TPD52: variants seen among roughly 807,000 people sequenced by gnomAD.
The protein encoded by TPD52 is prostate and colon associated protein.
Under a neutral mutation model 31.3 loss-of-function variants are expected in TPD52, and 17 were observed. The observed-to-expected ratio is 0.54, with a 90% CI of 0.37 to 0.82. The LOEUF (loss-of-function observed/expected upper bound fraction) is 0.82, where lower values mean the gene tolerates loss of function less well. Ranked by LOEUF, TPD52 falls within the 40% of genes least tolerant of loss-of-function variation. TPD52 has a pLI of 0.00. For missense variants in TPD52, 212 were observed against 240.1 expected (o/e 0.88, Z 0.77); for synonymous variants, 83 against 89.6 (o/e 0.93, Z 0.42).
intron 1 of TPD52, among the ~76,000 whole-genome samples, chr8:80,101,511 T>C (rs1806740341): frequency 6.7e-6 from 1 of 150,158 alleles, no homozygotes; most frequent in South Asian, 2.2e-4. Context: ...GTTTGCATTA[T>C]TAAAAAGCAA....
rs1482225791 is a variant in TPD52, at chr8:80,138,789, C to G, written c.19+32636G>C. On this transcript the variant is annotated intron_variant, in intron 1 of 7. Coordinates refer to ENST00000518937, the MANE Select transcript of TPD52 (RefSeq NM_001025253.3). Reference sequence around the variant, plus strand: ...TGAACATTGAGAACCTGTGGCTCACCGCATCCTCCCCTCCCCACCTTAGGC... The same window carrying G: ...TGAACATTGAGAACCTGTGGCTCACGGCATCCTCCCCTCCCCACCTTAGGC... Among the ~76,000 whole-genome samples, 4 of 152,258 alleles carry G rather than the reference C, an allele frequency of 2.6e-5. No homozygotes were observed. The South Asian group carries it at 6.2e-4, about 24-fold the overall frequency.
intron 1 of TPD52, among the ~76,000 whole-genome samples, chr8:80,098,497 G>C (rs1187768794): frequency 6.6e-6 from 1 of 152,214 alleles, no homozygotes; most frequent in Non-Finnish European, 1.5e-5. Flanking sequence ...TAAGACTTCA[G>C]TGGAGGAAAT....
intron 5 of TPD52, among the ~76,000 whole-genome samples, chr8:80,049,109 T>C (rs1811132083): frequency 6.6e-6 from 1 of 152,206 alleles, no homozygotes; most frequent in South Asian, 2.1e-4. Flanking sequence ...TCATCCTCAA[T>C]AGCCCTTACT....
chr8:80,163,477 G>T (rs1362090302), intron 1 of TPD52, among the ~76,000 whole-genome samples: 1 of 152,202 alleles, frequency 6.6e-6, no homozygotes, highest in African/African-American at 2.4e-5. Context: ...GAATGGGGAA[G>T]TTGGGAAGCT....
Position 80,044,222 on chromosome 8 carries a change from T to C in TPD52, c.414-14A>G. 6.4e-7 allele frequency: 1 copy of C among 1,570,580 alleles called. No homozygotes were observed. Among genetic ancestry groups the C allele is most frequent in the Non-Finnish European group, 8.6e-7 (1 of 1,163,628 alleles). ...ATGGAACGTATACTAAGAGGCAGCA[T>C]TAAAAAGAGATAGAAATAAGGTTAG... On this transcript the variant is annotated splice_polypyrimidine_tract_variant and intron_variant, in intron 5 of 7. Coordinates refer to ENST00000518937, the MANE Select transcript of TPD52 (RefSeq NM_001025253.3).
intron 1 of TPD52, among the ~76,000 whole-genome samples, chr8:80,074,779 C>T (rs1285058749): frequency 1.3e-5 from 2 of 152,122 alleles, no homozygotes; most frequent in Admixed American, 6.5e-5. Flanking sequence ...CAGCTCAGGC[C>T]GTGACAACTT....
chr8:80,150,242 G>A (rs1054555239), intron 1 of TPD52, among the ~76,000 whole-genome samples: 1 of 152,252 alleles, frequency 6.6e-6, no homozygotes, highest in Non-Finnish European at 1.5e-5. Flanking sequence ...TGGGTATGCA[G>A]AAGTCAAGAA....
intron 1 of TPD52, among the ~76,000 whole-genome samples, chr8:80,103,429 G>C (rs1232066202): frequency 1.3e-5 from 2 of 152,254 alleles, no homozygotes; most frequent in Non-Finnish European, 2.9e-5. Context: ...CCTGTGGGCA[G>C]AGTGCTAGCC....
chr8:80,072,294 G>A (rs1031711712), intron 1 of TPD52, among the ~76,000 whole-genome samples: 2 of 145,306 alleles, frequency 1.4e-5, no homozygotes, highest in Non-Finnish European at 3.0e-5. Context: ...GCGACAGAGA[G>A]AGACTCCATC....
intron 1 of TPD52, among the ~76,000 whole-genome samples, chr8:80,096,981 C>A (rs530167466): frequency 1.3e-5 from 2 of 152,144 alleles, no homozygotes; most frequent in Admixed American, 6.5e-5. Context: ...AAAACCAGAC[C>A]GCCTGCACCT....
chr8:80,124,167 TTTTTG>T (rs1364316774), intron 1 of TPD52, among the ~76,000 whole-genome samples: 1 of 82,666 alleles, frequency 1.2e-5, no homozygotes, highest in African/African-American at 1.0e-4. Flanking sequence ...TCTCTCTCTC[TTTTTG>T]TTTTTTTTTT....
intron 1 of TPD52, among the ~76,000 whole-genome samples, chr8:80,083,139 G>T (rs1815450353): frequency 6.6e-6 from 1 of 152,000 alleles, no homozygotes; most frequent in African/African-American, 2.4e-5. Flanking sequence ...TGGAAATGTA[G>T]CTTGGGGGCA....
At chr8:80,133,759 G>A (rs1387421224) in intron 1 of TPD52, among the ~76,000 whole-genome samples, 2 of 148,066 alleles carry the variant, frequency 1.4e-5, no homozygotes, top group African/African-American at 2.5e-5. Context: ...TGATGGTACC[G>A]CTGATGCTAA....
intron 1 of TPD52, among the ~76,000 whole-genome samples, chr8:80,105,924 G>A (rs1288282132): frequency 2.6e-5 from 4 of 151,920 alleles, no homozygotes; most frequent in African/African-American, 9.7e-5. Context: ...TAGAGGTGGG[G>A]TTTCGCCATG....
rs1273748096 is a variant in TPD52 at position 80,134,652 on chromosome 8, G to A, written c.19+36773C>T. Among the ~76,000 whole-genome samples the A allele has an allele frequency of 3.3e-5, 5 of 152,294 alleles. No individual in the cohort carries two copies. In the South Asian group the frequency reaches 8.3e-4, roughly 25 times the overall value. On this transcript the variant is annotated intron_variant, in intron 1 of 7. Transcript: ENST00000518937. ...GATCCGAGAGAGAGTGTGTCATGAAGACACTCAGGCAGCTCCAAGTGGAGG... is the reference window on the plus strand; with the variant it reads ...GATCCGAGAGAGAGTGTGTCATGAAAACACTCAGGCAGCTCCAAGTGGAGG...
At chr8:80,101,844 G>A (rs554661347) in intron 1 of TPD52, among the ~76,000 whole-genome samples, 3 of 152,290 alleles carry the variant, frequency 2.0e-5, no homozygotes, top group East Asian at 1.9e-4. Flanking sequence ...TTCCAACACC[G>A]GGGAGTATCA....
intron 1 of TPD52, among the ~76,000 whole-genome samples, chr8:80,141,940 T>A (rs1035452867): frequency 1.4e-5 from 2 of 144,384 alleles, no homozygotes; most frequent in African/African-American, 2.5e-5. Context: ...AATAAAAAAA[T>A]ATTTTATTAA....
At chr8:80,080,163 C>A (rs192077251) in intron 1 of TPD52, 133 of 634,680 alleles carry the variant, frequency 2.1e-4, no homozygotes, top group African/African-American at 2.0e-3. Context: ...CCATCTATCT[C>A]TGTACTTTGA....
chr8:80,078,039 A>G (rs1814797551), intron 1 of TPD52, among the ~76,000 whole-genome samples: 1 of 152,210 alleles, frequency 6.6e-6, no homozygotes, highest in Non-Finnish European at 1.5e-5. Context: ...ATAGATTCTT[A>G]TATTTGTGAG....
Sources: allele counts gnomAD v4.1 joint callset (sites outside exome capture counted in the v4.1 genomes callset), GRCh38; gene constraint gnomAD v4.1.1; transcripts MANE v1.5; gene names NCBI Gene and HGNC (gene_info 2026-07-23, HGNC 2026-07-21).